The following PRKG1 variants were observed in gnomAD, a reference collection of about 807,000 sequenced individuals.
The protein encoded by PRKG1 is cGMP-dependent protein kinase 1.
PRKG1 carries 35 observed loss-of-function variants against 88.1 expected under a neutral mutation model. The ratio of observed to expected loss-of-function variants is 0.40; its 90% CI spans 0.30 to 0.53. PRKG1 has a LOEUF of 0.53. Among genes scored for constraint, PRKG1 ranks in the 20% least tolerant of loss-of-function variants. The pLI, the probability that PRKG1 is intolerant of heterozygous loss-of-function variation, is 0.59. For synonymous variants in PRKG1, 303 were observed against 292.5 expected (o/e 1.04, Z -0.37); for missense variants, 540 against 839.8 (o/e 0.64, Z 4.41).
intron 8 of PRKG1, among the ~76,000 whole-genome samples, chr10:52,142,170 CAGA>C (rs1194727863): frequency 1.3e-5 from 2 of 152,140 alleles, no homozygotes; most frequent in Non-Finnish European, 2.9e-5. Context: ...AGGCGAGTCC[CAGA>C]AGGAGTGTGG....
intron 3 of PRKG1, among the ~76,000 whole-genome samples, chr10:51,471,924 C>T (rs10997689): frequency 0.44 from 66,581 of 151,612 alleles, 15,173 homozygotes; most frequent in African/African-American, 0.49. Flanking sequence ...TATGACATTA[C>T]TTGGGCAAAA....
intron 1 of PRKG1, among the ~76,000 whole-genome samples, chr10:51,049,112 C>T (rs187411718): frequency 4.6e-4 from 70 of 152,282 alleles, no homozygotes; most frequent in African/African-American, 1.6e-3. Context: ...CGTCCCACAC[C>T]GGCAATTAAC....
chr10:51,235,268 A>G (rs1838954144), intron 2 of PRKG1, among the ~76,000 whole-genome samples: 1 of 152,134 alleles, frequency 6.6e-6, no homozygotes, highest in Non-Finnish European at 1.5e-5. Context: ...TTGTTTCTCA[A>G]ATTTAAGATT....
intron 7 of PRKG1, chr10:52,128,375 A>G (rs1218711490): frequency 1.0e-6 from 1 of 985,310 alleles, no homozygotes; most frequent in Non-Finnish European, 1.2e-6. Flanking sequence ...CTGAGGTATC[A>G]ATGAACGCTA....
intron 8 of PRKG1, among the ~76,000 whole-genome samples, chr10:52,155,364 T>C (rs1327945555): frequency 2.6e-5 from 4 of 151,992 alleles, no homozygotes; most frequent in Non-Finnish European, 4.4e-5. Flanking sequence ...GAGTTAAAAA[T>C]AAAATCTTAA....
chr10:52,238,577 T>C (rs1840755464), intron 9 of PRKG1, among the ~76,000 whole-genome samples: 1 of 151,288 alleles, frequency 6.6e-6, no homozygotes, highest in Non-Finnish European at 1.5e-5. Context: ...AAAATGCTCA[T>C]CATCACTAGC....
chr10:51,751,992 A>G (rs1837737696), intron 3 of PRKG1, among the ~76,000 whole-genome samples: 2 of 152,190 alleles, frequency 1.3e-5, no homozygotes, highest in Non-Finnish European at 2.9e-5. Context: ...ACTATTTTTC[A>G]ACTCTAGTAC....
chr10:51,374,093 A>AAAAAATAT lies in PRKG1; in HGVS notation c.479-93629_479-93628insAAAATATA. ...GCTGGCAGAGGTTGCAAAAAAAAAA[A>AAAAAATAT]ATATATATATATATATATATGTACT... is the stretch of plus-strand genomic sequence containing the variant. On this transcript the variant is annotated intron_variant, in intron 2 of 17. Coordinates refer to ENST00000373980, the MANE Select transcript of PRKG1 (RefSeq NM_006258.4). Among the ~76,000 whole-genome samples, 60 of 100,190 alleles carry AAAAAATAT rather than the reference A, an allele frequency of 6.0e-4. 1 individual carries two copies. The highest frequency in any genetic ancestry group is 1.9e-3 in the African/African-American group (56 of 29,658). 65.7% of individuals were successfully genotyped at this position (100,190 alleles called of 152,430 possible).
chr10:51,501,254 A>G (rs1841016108), intron 3 of PRKG1, among the ~76,000 whole-genome samples: 1 of 152,138 alleles, frequency 6.6e-6, no homozygotes, highest in African/African-American at 2.4e-5. Context: ...AATTATTTCT[A>G]GTCTTTAAAA....
intron 3 of PRKG1, among the ~76,000 whole-genome samples, chr10:51,500,200 T>C (rs1157914887): frequency 6.6e-6 from 1 of 152,220 alleles, no homozygotes; most frequent in Non-Finnish European, 1.5e-5. Flanking sequence ...ATTAAATACA[T>C]CTGCTTTCCT....
chr10:51,208,746 T>C (rs1432827368), intron 2 of PRKG1, among the ~76,000 whole-genome samples: 1 of 152,176 alleles, frequency 6.6e-6, no homozygotes, highest in Admixed American at 6.5e-5. Context: ...ATCACAATTC[T>C]GGACATGTTC....
At chr10:52,025,572 A>G (rs1845314316) in intron 5 of PRKG1, among the ~76,000 whole-genome samples, 1 of 152,040 alleles carries the variant, frequency 6.6e-6, no homozygotes, top group Non-Finnish European at 1.5e-5. Context: ...AGCACCATTT[A>G]TTAAATAGAG....
In PRKG1 at chr10:51,035,728, A is replaced by G. The variant is rs1015897069; in HGVS notation, c.266+44084A>G. On this transcript the variant is annotated intron_variant, in intron 1 of 17. Transcript: ENST00000401604. Reference sequence around the variant, plus strand: ...ACCTTTACTAAATTATAAACTTATTACATGCACTTGTGGATCATTTGGAAA... The same window carrying G: ...ACCTTTACTAAATTATAAACTTATTGCATGCACTTGTGGATCATTTGGAAA... Among the ~76,000 whole-genome samples the G allele has an allele frequency of 4.6e-5, 7 of 152,200 alleles. No individual in the cohort carries two copies. In the East Asian group the frequency reaches 7.7e-4, roughly 17 times the overall value.
At chr10:52,281,545 T>G (rs1423032297) in intron 13 of PRKG1, among the ~76,000 whole-genome samples, 2 of 152,110 alleles carry the variant, frequency 1.3e-5, no homozygotes. Context: ...TATTTGTAGT[T>G]TCAACCAAAT....
At position 51,134,863 on chromosome 10, in the gene PRKG1, T is replaced by C. The variant is rs143449054; in HGVS notation, c.312-18301T>C. Among the ~76,000 whole-genome samples, 341 of 152,236 alleles carry C rather than the reference T, an allele frequency of 2.2e-3. 2 individuals carry two copies. Among genetic ancestry groups the C allele is most frequent in the Non-Finnish European group, 4.2e-3 (283 of 68,014 alleles). The stretch of plus-strand genomic sequence containing the variant: ...TAAACTACTGAAAAAATATTGTTAA[T>C]CGTAGAAAAGTAGAATATCACCCAA... On this transcript the variant is annotated intron_variant, in intron 1 of 17. Transcript: ENST00000373980.
chr10:52,024,426 T>C (rs1294157187), intron 5 of PRKG1, among the ~76,000 whole-genome samples: 1 of 152,106 alleles, frequency 6.6e-6, no homozygotes, highest in Non-Finnish European at 1.5e-5. Flanking sequence ...GTTTGCTGCA[T>C]TCATTAACTC....
intron 4 of PRKG1, among the ~76,000 whole-genome samples, chr10:51,851,431 C>T (rs1269922325): frequency 6.6e-6 from 1 of 151,992 alleles, no homozygotes; most frequent in Non-Finnish European, 1.5e-5. Flanking sequence ...ACCTCACACA[C>T]CCCACAAAAA....
intron 3 of PRKG1, among the ~76,000 whole-genome samples, chr10:51,742,739 G>A (rs753637311): frequency 2.6e-5 from 4 of 152,078 alleles, no homozygotes; most frequent in Non-Finnish European, 4.4e-5. Context: ...TATGTTGGCC[G>A]GGAGGTCAGG....
intron 7 of PRKG1, among the ~76,000 whole-genome samples, chr10:52,087,260 AG>A (rs1256270528): frequency 1.8e-4 from 28 of 152,172 alleles, no homozygotes; most frequent in African/African-American, 6.8e-4. Flanking sequence ...ATCTCAGTGT[AG>A]TTTTTCAATT....
Sources: allele counts gnomAD v4.1 joint callset (sites outside exome capture counted in the v4.1 genomes callset), GRCh38; gene constraint gnomAD v4.1.1; transcripts MANE v1.5; gene names NCBI Gene and HGNC (gene_info 2026-07-23, HGNC 2026-07-21).